FNIP1: variants seen among roughly 807,000 people sequenced by gnomAD.
FNIP1 encodes the protein folliculin interacting protein 1, also known as folliculin-interacting protein 1.
In FNIP1, 40 loss-of-function variants were observed where a neutral mutation model predicts 124.5. The observed-to-expected ratio is 0.32, with a 90% CI of 0.25 to 0.42. The LOEUF (loss-of-function observed/expected upper bound fraction) is 0.42. Among genes scored for constraint, FNIP1 ranks in the 10% least tolerant of loss-of-function variants. The probability of loss-of-function intolerance (pLI) is 1.00; values close to 1 mark genes in which losing one functional copy is unlikely to be tolerated. For synonymous variants in FNIP1, 472 were observed against 470.6 expected, an observed-to-expected ratio of 1.00 and a Z score of -0.04; for missense variants, 1,176 against 1,403.7, an observed-to-expected ratio of 0.84 and a Z score of 2.59.
chr5:131,759,949 C>G (rs903727034), intron 1 of FNIP1, among the ~76,000 whole-genome samples: 2 of 152,134 alleles, frequency 1.3e-5, no homozygotes, highest in Non-Finnish European at 2.9e-5. Context: ...AACATGGAGG[C>G]GGCTGGAAGC....
intron 11 of FNIP1, among the ~76,000 whole-genome samples, chr5:131,681,837 C>G (rs989977125): frequency 6.7e-6 from 1 of 148,588 alleles, no homozygotes; most frequent in Admixed American, 6.7e-5. Context: ...TTACCAGAGC[C>G]GAAGAACATG....
At chr5:131,709,061 ACT>A (rs1163590415) in intron 8 of FNIP1, 138 bp downstream of exon 8, 2 of 661,554 alleles carry the variant, frequency 3.0e-6, no homozygotes, top group Non-Finnish European at 5.2e-6. Context: ...AATTTATAAG[ACT>A]TTGCTCTGGT....
intron 1 of FNIP1, among the ~76,000 whole-genome samples, chr5:131,747,535 CA>C (rs1188201985): frequency 6.6e-6 from 1 of 151,856 alleles, no homozygotes; most frequent in East Asian, 1.9e-4. Flanking sequence ...AACAGACCGA[CA>C]AAGGATGAAA....
At chr5:131,776,998 G>A (rs751064761) in intron 1 of FNIP1, among the ~76,000 whole-genome samples, 2 of 152,162 alleles carry the variant, frequency 1.3e-5, no homozygotes, top group Non-Finnish European at 2.9e-5. Context: ...CTGGGAGGAT[G>A]AGGTGGGAGG....
At chr5:131,690,366 T>C (rs1768437655) in intron 11 of FNIP1, among the ~76,000 whole-genome samples, 1 of 152,146 alleles carries the variant, frequency 6.6e-6, no homozygotes, top group African/African-American at 2.4e-5. Context: ...TCATCTTGAA[T>C]TGTAAGCCCA....
At chr5:131,732,690 T>A (rs1770139171) in intron 2 of FNIP1, among the ~76,000 whole-genome samples, 1 of 152,226 alleles carries the variant, frequency 6.6e-6, no homozygotes, top group African/African-American at 2.4e-5. Context: ...TTGGTCTGTA[T>A]CTCTGTTTGG....
At chr5:131,750,060 G>A (rs1454995288) in intron 1 of FNIP1, among the ~76,000 whole-genome samples, 1 of 152,158 alleles carries the variant, frequency 6.6e-6, no homozygotes, top group Non-Finnish European at 1.5e-5. Context: ...CTAGGACGAT[G>A]TACTGGCTGC....
At chr5:131,655,905 A>G (rs1473507625) in intron 15 of FNIP1, among the ~76,000 whole-genome samples, 5 of 151,904 alleles carry the variant, frequency 3.3e-5, no homozygotes, top group Admixed American at 2.6e-4. Context: ...GTGACAGAGC[A>G]AGACTCCATC....
chr5:131,657,354 C>G (rs976140424), intron 15 of FNIP1, among the ~76,000 whole-genome samples: 1 of 152,064 alleles, frequency 6.6e-6, no homozygotes, highest in South Asian at 2.1e-4. Flanking sequence ...TAAGTGACTG[C>G]CTTTTAAAGT....
intron 11 of FNIP1, among the ~76,000 whole-genome samples, chr5:131,681,140 G>T (rs56359530): frequency 6.6e-6 from 1 of 152,142 alleles, no homozygotes; most frequent in Non-Finnish European, 1.5e-5. Flanking sequence ...ATGGCCCCGA[G>T]GAATGACCTT....
chr5:131,745,960 G>GT (rs1207283493), intron 1 of FNIP1, among the ~76,000 whole-genome samples: 2 of 152,188 alleles, frequency 1.3e-5, no homozygotes, highest in Non-Finnish European at 2.9e-5. Context: ...GAAAAGGGAC[G>GT]TAACAGGTGA....
intron 1 of FNIP1, among the ~76,000 whole-genome samples, chr5:131,773,654 T>C (rs1270804091): frequency 1.3e-5 from 2 of 152,350 alleles, no homozygotes; most frequent in Admixed American, 6.5e-5. Flanking sequence ...ACAATACTTA[T>C]TAGATCCACT....
At chr5:131,745,761 T>A (rs534849899) in intron 1 of FNIP1, among the ~76,000 whole-genome samples, 1 of 152,194 alleles carries the variant, frequency 6.6e-6, no homozygotes, top group African/African-American at 2.4e-5. Context: ...GCAAAAGAAG[T>A]CAGACAATGA....
chr5:131,759,105 A>G (rs1771144187), intron 1 of FNIP1, among the ~76,000 whole-genome samples: 1 of 152,112 alleles, frequency 6.6e-6, no homozygotes, highest in African/African-American at 2.4e-5. Context: ...TTAACTCAAG[A>G]TGGAGTAAAG....
intron 15 of FNIP1, among the ~76,000 whole-genome samples, chr5:131,658,282 A>G (rs1767271541): frequency 6.6e-6 from 1 of 152,206 alleles, no homozygotes; most frequent in Non-Finnish European, 1.5e-5. Flanking sequence ...GGGCCCTTCT[A>G]TGATACTGAA....
intron 9 of FNIP1, among the ~76,000 whole-genome samples, chr5:131,705,883 G>T (rs1205351378): frequency 1.3e-5 from 2 of 152,144 alleles, no homozygotes; most frequent in Non-Finnish European, 2.9e-5. Context: ...ACAAAATGTG[G>T]TATGTATATA....
intron 2 of FNIP1, among the ~76,000 whole-genome samples, chr5:131,734,631 C>T: frequency 6.6e-6 from 1 of 152,052 alleles, no homozygotes; most frequent in Non-Finnish European, 1.5e-5. Context: ...AACAAACAAC[C>T]CCATCAAAAA....
intron 1 of FNIP1, among the ~76,000 whole-genome samples, chr5:131,780,411 G>T (rs983475205): frequency 6.6e-6 from 1 of 151,948 alleles, no homozygotes; most frequent in African/African-American, 2.4e-5. Flanking sequence ...GTCTATGTAG[G>T]CATCTTATTT....
intron 1 of FNIP1, among the ~76,000 whole-genome samples, chr5:131,784,208 T>G (rs1772087997): frequency 6.6e-6 from 1 of 152,128 alleles, no homozygotes; most frequent in Non-Finnish European, 1.5e-5. Context: ...GATAATTGAC[T>G]AAGAGATAAA....
Sources: allele counts gnomAD v4.1 joint callset (sites outside exome capture counted in the v4.1 genomes callset), GRCh38; gene constraint gnomAD v4.1.1; transcripts MANE v1.5; gene names NCBI Gene and HGNC (gene_info 2026-07-23, HGNC 2026-07-21).